Variants in CNTN6 observed in about 807,000 individuals in gnomAD.
CNTN6 encodes the protein contactin-6.
In CNTN6, 137 loss-of-function variants were observed where a neutral mutation model predicts 122.8. That is an observed-to-expected ratio of 1.12 (90% CI 0.97 to 1.29). The LOEUF (loss-of-function observed/expected upper bound fraction) is 1.29, where lower values mean the gene tolerates loss of function less well. Among genes scored for constraint, CNTN6 ranks in the 50% most tolerant of loss-of-function variants. CNTN6 has a pLI of 0.00. For synonymous variants in CNTN6, 570 were observed against 426.0 expected (o/e 1.34, Z -4.16); for missense variants, 1,634 against 1,223.4 (o/e 1.34, Z -5.01).
At chr3:1,341,652 C>T (rs796871599) in intron 11 of CNTN6, among the ~76,000 whole-genome samples, 8 of 152,188 alleles carry the variant, frequency 5.3e-5, no homozygotes, top group Admixed American at 1.3e-4. Context: ...GTTTGTGTTG[C>T]GTCAGCCACT....
intron 2 of CNTN6, among the ~76,000 whole-genome samples, chr3:1,157,831 C>CT (rs2093010307): frequency 6.6e-6 from 1 of 152,152 alleles, no homozygotes; most frequent in Non-Finnish European, 1.5e-5. Context: ...GAATCTGGTT[C>CT]TTTTTTATGA....
intron 2 of CNTN6, among the ~76,000 whole-genome samples, chr3:1,171,585 G>A (rs1296322618): frequency 2.0e-5 from 3 of 152,122 alleles, no homozygotes; most frequent in Admixed American, 2.0e-4. Context: ...TGGAGCAAAA[G>A]TACCTTCGAT....
At chr3:1,384,732 T>A (rs186613490) in intron 19 of CNTN6, among the ~76,000 whole-genome samples, 2,121 of 122,488 alleles carry the variant, frequency 0.017, 47 homozygotes, top group Non-Finnish European at 0.02. Flanking sequence ...TATACACACA[T>A]ATATATACAT....
chr3:1,289,177 G>GT (rs1694861834), intron 5 of CNTN6, among the ~76,000 whole-genome samples: 1 of 130,494 alleles, frequency 7.7e-6, no homozygotes, highest in Admixed American at 7.8e-5. Flanking sequence ...CAGTTTGGAA[G>GT]GTTTTTTTTT....
intron 6 of CNTN6, 133 bp downstream of exon 6, chr3:1,295,937 T>G (rs1696153615): frequency 1.4e-6 from 1 of 710,996 alleles, no homozygotes; most frequent in Non-Finnish European, 2.3e-6. Context: ...CACAAATATG[T>G]AAACCAGAAA....
intron 2 of CNTN6, among the ~76,000 whole-genome samples, chr3:1,160,342 CTGTA>C (rs1243996197): frequency 3.8e-5 from 1 of 26,576 alleles, no homozygotes; most frequent in African/African-American, 1.6e-4. Context: ...TTTACTTTTA[CTGTA>C]TATATATATA....
intron 4 of CNTN6, among the ~76,000 whole-genome samples, chr3:1,274,767 A>C (rs1692012999): frequency 6.6e-6 from 1 of 152,166 alleles, no homozygotes; most frequent in Non-Finnish European, 1.5e-5. Flanking sequence ...TCAGAGGAAA[A>C]TGTATGGTTG....
intron 5 of CNTN6, among the ~76,000 whole-genome samples, chr3:1,289,954 G>A (rs1055730875): frequency 2.0e-5 from 3 of 152,142 alleles, no homozygotes; most frequent in Admixed American, 6.5e-5. Context: ...GATTGCAGGC[G>A]TGAGCCAATG....
chr3:1,338,334 A>C (rs536943351), intron 11 of CNTN6, among the ~76,000 whole-genome samples: 1 of 152,132 alleles, frequency 6.6e-6, no homozygotes, highest in African/African-American at 2.4e-5. Flanking sequence ...TGAAAAATGC[A>C]GATCCCAGAG....
At chr3:1,307,351 T>G (rs1378602421) in intron 7 of CNTN6, among the ~76,000 whole-genome samples, 2 of 152,184 alleles carry the variant, frequency 1.3e-5, no homozygotes, top group South Asian at 4.1e-4. Context: ...TTCTGAGAAA[T>G]GGAAAATTAT....
chr3:1,336,534 G>C (rs1703089838), intron 11 of CNTN6, among the ~76,000 whole-genome samples: 1 of 152,054 alleles, frequency 6.6e-6, no homozygotes, highest in African/African-American at 2.4e-5. Flanking sequence ...TGGACTCTCT[G>C]GAAACCAATT....
intron 2 of CNTN6, among the ~76,000 whole-genome samples, chr3:1,217,991 G>T (rs1306715173): frequency 6.6e-6 from 1 of 152,114 alleles, no homozygotes; most frequent in Non-Finnish European, 1.5e-5. Context: ...TAGCAATTTA[G>T]TCCAAATGCC....
intron 7 of CNTN6, 28 bp downstream of exon 7, chr3:1,298,019 T>C: frequency 6.6e-7 from 1 of 1,518,908 alleles, no homozygotes. Context: ...GTTTTTGTTT[T>C]CCTGGTTGCA....
At chr3:1,235,913 GT>G (rs2094415471) in intron 4 of CNTN6, among the ~76,000 whole-genome samples, 1 of 151,884 alleles carries the variant, frequency 6.6e-6, no homozygotes, top group Non-Finnish European at 1.5e-5. Context: ...CTCACGCTGT[GT>G]GGGGGTGGGG....
chr3:1,268,844 G>A (rs918175032), intron 4 of CNTN6, among the ~76,000 whole-genome samples: 5 of 151,940 alleles, frequency 3.3e-5, no homozygotes, highest in African/African-American at 1.2e-4. Flanking sequence ...AGCTGGGATT[G>A]GTGGCACACA....
At chr3:1,284,411 A>C (rs1011181196) in intron 5 of CNTN6, among the ~76,000 whole-genome samples, 1 of 152,184 alleles carries the variant, frequency 6.6e-6, no homozygotes, top group East Asian at 1.9e-4. Context: ...TCAAATTGGC[A>C]GTGGATATGT....
At chr3:1,184,152 A>T (rs1049574876) in intron 2 of CNTN6, among the ~76,000 whole-genome samples, 6 of 152,142 alleles carry the variant, frequency 3.9e-5, no homozygotes, top group African/African-American at 1.4e-4. Flanking sequence ...TCTGTGTTTT[A>T]TTGGTTAGAA....
intron 22 of CNTN6, chr3:1,402,821 G>C: frequency 4.7e-6 from 1 of 212,868 alleles, no homozygotes; most frequent in Admixed American, 5.3e-5. Context: ...AACAGGAATG[G>C]CAAATATGAA....
intron 2 of CNTN6, among the ~76,000 whole-genome samples, chr3:1,210,958 G>A (rs971454893): frequency 2.6e-5 from 4 of 152,164 alleles, no homozygotes; most frequent in African/African-American, 9.7e-5. Context: ...TGACCTGGGG[G>A]CCTTGCCCCA....
Sources: allele counts gnomAD v4.1 joint callset (sites outside exome capture counted in the v4.1 genomes callset), GRCh38; gene constraint gnomAD v4.1.1; transcripts MANE v1.5; gene names NCBI Gene and HGNC (gene_info 2026-07-23, HGNC 2026-07-21).